Variants in SFMBT2 observed in about 807,000 individuals in gnomAD.
The protein encoded by SFMBT2 is Scm like with four mbt domains 2, also known as scm-like with four MBT domains protein 2.
Under a neutral mutation model 110.1 loss-of-function variants are expected in SFMBT2, and 38 were observed. That is an observed-to-expected ratio of 0.35 (90% CI 0.27 to 0.45). SFMBT2 has a LOEUF of 0.45. Among genes scored for constraint, SFMBT2 ranks in the 20% least tolerant of loss-of-function variants. The pLI is 1.00. For missense variants in SFMBT2, 1,011 were observed against 1,094.9 expected, an observed-to-expected ratio of 0.92 and a Z score of 1.08; for synonymous variants, 425 against 425.4, an observed-to-expected ratio of 1.00 and a Z score of 0.01.
chr10:7,401,445 T>C (rs900738752), intron 1 of SFMBT2, among the ~76,000 whole-genome samples: 4 of 152,216 alleles, frequency 2.6e-5, no homozygotes, highest in Non-Finnish European at 4.4e-5. Flanking sequence ...CTCCTGTTTG[T>C]TTATAAATAC....
chr10:7,348,233 C>A (rs1316458677), intron 4 of SFMBT2: 2 of 1,442,794 alleles, frequency 1.4e-6, no homozygotes, highest in African/African-American at 1.4e-5. Flanking sequence ...CGTGTGGGAT[C>A]GGGGAGTTGT....
chr10:7,374,781 G>T (rs994133979), intron 2 of SFMBT2, among the ~76,000 whole-genome samples: 2 of 152,196 alleles, frequency 1.3e-5, no homozygotes, highest in African/African-American at 4.8e-5. Context: ...GACTTGAACT[G>T]TGCGTTATAA....
chr10:7,192,366 G>T lies in SFMBT2; in HGVS notation c.1699-3633C>A, dbSNP rs540267678. Among the ~76,000 whole-genome samples, 15 of 152,208 alleles carry T rather than the reference G, an allele frequency of 9.9e-5. No homozygotes were observed. The East Asian group carries it at 2.5e-3, about 25-fold the overall frequency. ...ACTCCCTCAACACCTCCTCCCCTGG[G>T]TGTTACCGATAAACTTACGACTGCT... On this transcript the variant is annotated intron_variant, in intron 15 of 20. Transcript: ENST00000397167.
At chr10:7,206,055 C>T (rs1294088147) in intron 11 of SFMBT2, 127 bp from the exon 12 acceptor site, 8 of 1,404,888 alleles carry the variant, frequency 5.7e-6, no homozygotes, top group African/African-American at 1.5e-5. Context: ...AAAACAAAAA[C>T]AAAAACAAAA....
chr10:7,206,009 C>T, intron 11 of SFMBT2, 81 bp from the exon 12 acceptor site: 2 of 1,551,704 alleles, frequency 1.3e-6, no homozygotes. Flanking sequence ...AATAGAGCAT[C>T]CCTAACATGG....
rs1667588497 is a variant in SFMBT2 at position 7,172,980 on chromosome 10, G to A, written c.1985-319C>T. Reference sequence around the variant, plus strand: ...CAATAGGACATTAATGAGGTCCTAAGAGTGTCCAGGAGAGACACCAAGGAC... The same window carrying A: ...CAATAGGACATTAATGAGGTCCTAAAAGTGTCCAGGAGAGACACCAAGGAC... On this transcript the variant is annotated intron_variant, in intron 17 of 20. Transcript: ENST00000397167. The surrounding 1 kb of genome is among the most constrained non-coding windows in gnomAD (Gnocchi z 4.6). Among the ~76,000 whole-genome samples, 1 of 152,158 alleles carries A rather than the reference G, an allele frequency of 6.6e-6. No homozygotes were observed. Among genetic ancestry groups the A allele is most frequent in the African/African-American group, 2.4e-5 (1 of 41,428 alleles).
intron 4 of SFMBT2, among the ~76,000 whole-genome samples, chr10:7,314,108 T>C (rs1842925693): frequency 6.6e-6 from 1 of 152,368 alleles, no homozygotes. Flanking sequence ...GATTCAAACA[T>C]GTCCTAGTTA....
At chr10:7,198,069 T>C (rs1838835052) in intron 14 of SFMBT2, 1 of 985,360 alleles carries the variant, frequency 1.0e-6, no homozygotes, top group Non-Finnish European at 1.2e-6. Flanking sequence ...GTGTTCATCA[T>C]GCCACACAAG....
At chr10:7,231,041 C>T (rs1840101246) in intron 9 of SFMBT2, among the ~76,000 whole-genome samples, 1 of 152,134 alleles carries the variant, frequency 6.6e-6, no homozygotes, top group Non-Finnish European at 1.5e-5. Context: ...AATTATTTTA[C>T]TGTTGCTACT....
At chr10:7,357,439 C>T (rs1844557500) in intron 4 of SFMBT2, among the ~76,000 whole-genome samples, 1 of 152,090 alleles carries the variant, frequency 6.6e-6, no homozygotes, top group African/African-American at 2.4e-5. Flanking sequence ...CCCCAAAGCC[C>T]GAGGGGATTC....
At chr10:7,409,473 G>C (rs1328617809) in intron 1 of SFMBT2, 1 of 152,106 alleles carries the variant, frequency 6.6e-6, no homozygotes, top group Non-Finnish European at 1.5e-5. Context: ...CACACATTCG[G>C]GGTGGTTCTC....
chr10:7,187,156 G>C (rs1273218630), intron 16 of SFMBT2, among the ~76,000 whole-genome samples: 1 of 152,204 alleles, frequency 6.6e-6, no homozygotes, highest in Non-Finnish European at 1.5e-5. Flanking sequence ...CTTATTTAGA[G>C]GCAGGGAAGG....
At chr10:7,332,912 G>T (rs1843606888) in intron 4 of SFMBT2, among the ~76,000 whole-genome samples, 1 of 152,168 alleles carries the variant, frequency 6.6e-6, no homozygotes. Flanking sequence ...TGTTGCCTAG[G>T]CGGGAGTGCA....
intron 4 of SFMBT2, among the ~76,000 whole-genome samples, chr10:7,320,286 T>C (rs1410841601): frequency 6.6e-6 from 1 of 152,208 alleles, no homozygotes. Context: ...ATGACTCACT[T>C]TTATCTAGTT....
intron 17 of SFMBT2, among the ~76,000 whole-genome samples, chr10:7,174,335 G>A (rs907593249): frequency 6.6e-6 from 1 of 152,218 alleles, no homozygotes; most frequent in Admixed American, 6.5e-5. Context: ...GCCAGGGCAG[G>A]CTGGCTTCTT....
intron 7 of SFMBT2, among the ~76,000 whole-genome samples, chr10:7,257,482 A>G (rs1841062538): frequency 6.6e-6 from 1 of 152,300 alleles, no homozygotes; most frequent in South Asian, 2.1e-4. Context: ...GCAGCAACTC[A>G]TGTCTCTGGC....
intron 4 of SFMBT2, among the ~76,000 whole-genome samples, chr10:7,289,297 C>T (rs941807866): frequency 5.9e-5 from 9 of 152,180 alleles, no homozygotes; most frequent in Admixed American, 2.0e-4. Context: ...ATATCCACTA[C>T]GGGAAGAAAG....
rs1164873037 is a variant in SFMBT2, at chr10:7,159,204, T to C, written c.*4566A>G. ...TAGTGCCAACAATTCAGAAGGATTATGGCCTCTTCCTCAAACAATATGGAA... is the reference window on the plus strand; with the variant it reads ...TAGTGCCAACAATTCAGAAGGATTACGGCCTCTTCCTCAAACAATATGGAA... On this transcript the variant is annotated 3_prime_UTR_variant, in exon 21 of 21. Coordinates refer to ENST00000397167, the MANE Select transcript of SFMBT2 (RefSeq NM_001387889.1). The C allele has an allele frequency of 6.6e-6, 1 of 152,216 alleles. No homozygotes were observed. Among genetic ancestry groups the C allele is most frequent in the African/African-American group, 2.4e-5 (1 of 41,444 alleles). The allele number at this position is 152,216 out of a possible 1,614,324, so 9.4% of individuals were successfully genotyped here.
Position 7,163,679 on chromosome 10 carries a change from T to C in SFMBT2, c.*91A>G, listed in dbSNP as rs1837613303. The C allele has an allele frequency of 1.7e-6, 2 of 1,206,846 alleles. No homozygotes were observed. The highest frequency in any genetic ancestry group is 2.4e-6 in the Non-Finnish European group (2 of 838,948). The allele number at this position is 1,206,846 out of a possible 1,614,324, so 74.8% of individuals were successfully genotyped here. Reference sequence around the variant, plus strand: ...TGGTGATACTTAGTGGCTGTACCATTTAACATATCCCGGAAAATCAAAGTT... The same window carrying C: ...TGGTGATACTTAGTGGCTGTACCATCTAACATATCCCGGAAAATCAAAGTT... On this transcript the variant is annotated 3_prime_UTR_variant, in exon 21 of 21. Coordinates refer to ENST00000397167, the MANE Select transcript of SFMBT2 (RefSeq NM_001387889.1). The surrounding 1 kb of genome is among the most constrained non-coding windows in gnomAD (Gnocchi z 4.8).
Sources: allele counts gnomAD v4.1 joint callset (sites outside exome capture counted in the v4.1 genomes callset), GRCh38; gene constraint gnomAD v4.1.1; non-coding constraint Gnocchi (gnomAD v3.1); transcripts MANE v1.5; gene names NCBI Gene and HGNC (gene_info 2026-07-23, HGNC 2026-07-21).